SLC16A10: variants seen among roughly 807,000 people sequenced by gnomAD.
The protein encoded by SLC16A10 is monocarboxylate transporter 10.
In SLC16A10, 27 loss-of-function variants were observed where a neutral mutation model predicts 40.0. The observed-to-expected ratio is 0.67, with a 90% CI of 0.50 to 0.93. The LOEUF (loss-of-function observed/expected upper bound fraction) is 0.93. SLC16A10 is among the 40% of genes least tolerant of loss of function. The pLI is 0.00. For missense variants in SLC16A10, 529 were observed against 658.2 expected (o/e 0.80, Z 2.15); for synonymous variants, 213 against 249.8 (o/e 0.85, Z 1.39).
intron 1 of SLC16A10, among the ~76,000 whole-genome samples, chr6:111,099,572 C>A (rs1257399960): frequency 6.6e-6 from 1 of 152,032 alleles, no homozygotes; most frequent in African/African-American, 2.4e-5. Context: ...GCCTTGGCCT[C>A]CCAGAGTGTT....
At chr6:111,151,477 G>A (rs1481962183) in intron 1 of SLC16A10, among the ~76,000 whole-genome samples, 1 of 152,096 alleles carries the variant, frequency 6.6e-6, no homozygotes, top group African/African-American at 2.4e-5. Flanking sequence ...GGTCTCCTTG[G>A]ATATCTTGCT....
chr6:111,132,627 C>T (rs1017011264), intron 1 of SLC16A10, among the ~76,000 whole-genome samples: 1 of 152,200 alleles, frequency 6.6e-6, no homozygotes, highest in Non-Finnish European at 1.5e-5. Context: ...CTTACTAACT[C>T]GAAAATCTTA....
chr6:111,217,449 G>GT (rs1554262112), intron 4 of SLC16A10, among the ~76,000 whole-genome samples: 3 of 151,916 alleles, frequency 2.0e-5, no homozygotes, highest in Non-Finnish European at 4.4e-5. Context: ...TGTTGTTGTT[G>GT]TTGTTGTTGT....
intron 1 of SLC16A10, among the ~76,000 whole-genome samples, chr6:111,120,808 T>C (rs1290851461): frequency 6.6e-6 from 1 of 152,116 alleles, no homozygotes; most frequent in East Asian, 1.9e-4. Flanking sequence ...CATTGTGGAG[T>C]GCTTAGTGTG....
intron 1 of SLC16A10, among the ~76,000 whole-genome samples, chr6:111,125,101 A>T (rs965384372): frequency 6.6e-6 from 1 of 152,206 alleles, no homozygotes; most frequent in Non-Finnish European, 1.5e-5. Context: ...AATAAAATTT[A>T]TTTAAACCCT....
chr6:111,177,257 C>T lies in SLC16A10; in HGVS notation c.534C>T (p.Cys178=), dbSNP rs1178045688. Residue 178 remains cysteine, a synonymous_variant, in exon 3 of 6, where the codon TGC becomes TGT. Coordinates refer to ENST00000368851, the MANE Select transcript of SLC16A10 (RefSeq NM_018593.5). ...LYLTYGIIFA[C]GCSFAYQPSL... is the part of the protein sequence containing the mutation. ...TTACCTATGGAATCATATTTGCCTGCGGCTGCTCCTTTGCATACCAGCCTT... is the reference window on the plus strand; with the variant it reads ...TTACCTATGGAATCATATTTGCCTGTGGCTGCTCCTTTGCATACCAGCCTT... The T allele has an allele frequency of 3.2e-6, 5 of 1,587,218 alleles. No homozygotes were observed. Among genetic ancestry groups the T allele is most frequent in the East Asian group, 4.5e-5 (2 of 44,688 alleles).
At chr6:111,150,283 C>T (rs1479638985) in intron 1 of SLC16A10, among the ~76,000 whole-genome samples, 1 of 152,244 alleles carries the variant, frequency 6.6e-6, no homozygotes, top group East Asian at 1.9e-4. Context: ...TTACCAGACA[C>T]TGGCTCCTTG....
At chr6:111,170,272 G>T (rs1044345800) in intron 1 of SLC16A10, among the ~76,000 whole-genome samples, 1 of 151,950 alleles carries the variant, frequency 6.6e-6, no homozygotes, top group African/African-American at 2.4e-5. Context: ...GCAATATAAG[G>T]ATATGCTCTT....
chr6:111,131,656 G>T (rs1269782140), intron 1 of SLC16A10, among the ~76,000 whole-genome samples: 3 of 152,190 alleles, frequency 2.0e-5, no homozygotes, highest in African/African-American at 7.2e-5. Flanking sequence ...TCTGGGGAAG[G>T]GCTGTCTAAC....
At chr6:111,155,237 T>C (rs188045515) in intron 1 of SLC16A10, among the ~76,000 whole-genome samples, 46 of 151,200 alleles carry the variant, frequency 3.0e-4, no homozygotes, top group African/African-American at 1.0e-3. Context: ...TGCCCTGCCC[T>C]GTCACCCAGG....
intron 1 of SLC16A10, among the ~76,000 whole-genome samples, chr6:111,089,908 GTTTTTTTTTTTTTTTTTTTT>G (rs541758500): frequency 0.015 from 811 of 52,346 alleles, 23 homozygotes; most frequent in African/African-American, 0.046. Flanking sequence ...CTGTGGGTGG[GTTTTTTTTTTTTTTTTTTTT>G]TTTTTTTTTT....
At chr6:111,201,745 A>G (rs551039312) in intron 3 of SLC16A10, among the ~76,000 whole-genome samples, 15 of 152,248 alleles carry the variant, frequency 9.9e-5, no homozygotes, top group Non-Finnish European at 2.2e-4. Flanking sequence ...GATTAATGGC[A>G]TCCTTGCTTT....
intron 4 of SLC16A10, 104 bp downstream of exon 4, chr6:111,206,839 T>G: frequency 7.1e-7 from 1 of 1,410,678 alleles, no homozygotes; most frequent in Non-Finnish European, 9.6e-7. Context: ...CTTTCCTTTT[T>G]CTTTTTGAGA....
At chr6:111,139,080 TTTC>T (rs201913433) in intron 1 of SLC16A10, among the ~76,000 whole-genome samples, 7 of 129,038 alleles carry the variant, frequency 5.4e-5, no homozygotes, top group African/African-American at 1.5e-4. Flanking sequence ...GGCTTTTTTT[TTTC>T]TTCTTCTTCT....
At position 111,215,188 on chromosome 6, in the gene SLC16A10, A is replaced by T. The variant is rs536115009; in HGVS notation, c.1087-3626A>T. Among the ~76,000 whole-genome samples the T allele has an allele frequency of 6.6e-5, 10 of 152,296 alleles. No individual in the cohort carries two copies. In the South Asian group the frequency reaches 1.7e-3, roughly 25 times the overall value. ...ATATAGCAATAAGTTGGAAACTTTTACTTGAATAATTTTTACAAAACTGAC... is the reference window on the plus strand; with the variant it reads ...ATATAGCAATAAGTTGGAAACTTTTTCTTGAATAATTTTTACAAAACTGAC... On this transcript the variant is annotated intron_variant, in intron 4 of 5. Transcript: ENST00000368851.
chr6:111,149,922 C>T (rs58210306), intron 1 of SLC16A10, among the ~76,000 whole-genome samples: 3,034 of 152,272 alleles, frequency 0.02, 97 homozygotes, highest in African/African-American at 0.068. Flanking sequence ...CAAATTCCAG[C>T]CTCACCACCC....
intron 1 of SLC16A10, among the ~76,000 whole-genome samples, chr6:111,163,047 T>C (rs567980312): frequency 2.0e-5 from 3 of 152,080 alleles, no homozygotes; most frequent in African/African-American, 7.2e-5. Context: ...AATAAGACAA[T>C]TGTCTGTGAA....
chr6:111,096,512 A>G (rs1771077571), intron 1 of SLC16A10, among the ~76,000 whole-genome samples: 1 of 152,206 alleles, frequency 6.6e-6, no homozygotes, highest in South Asian at 2.1e-4. Context: ...CAGATAGCCT[A>G]TCAGTGGCTG....
chr6:111,114,309 G>T (rs1334748054), intron 1 of SLC16A10, among the ~76,000 whole-genome samples: 1 of 152,148 alleles, frequency 6.6e-6, no homozygotes, highest in Non-Finnish European at 1.5e-5. Flanking sequence ...CGAATGAAAA[G>T]ACAAAGTTGT....
Sources: allele counts gnomAD v4.1 joint callset (sites outside exome capture counted in the v4.1 genomes callset), GRCh38; gene constraint gnomAD v4.1.1; transcripts MANE v1.5; gene names NCBI Gene and HGNC (gene_info 2026-07-23, HGNC 2026-07-21).